FBXW8: variants seen among roughly 807,000 people sequenced by gnomAD.
FBXW8 encodes the protein F-box/WD repeat-containing protein 8.
Under a neutral mutation model 65.3 loss-of-function variants are expected in FBXW8, and 57 were observed. That is an observed-to-expected ratio of 0.87 (90% CI 0.71 to 1.09). FBXW8 has a LOEUF of 1.09. Among genes scored for constraint, FBXW8 ranks in the 50% least tolerant of loss-of-function variants. The pLI, the probability that FBXW8 is intolerant of heterozygous loss-of-function variation, is 0.00. For synonymous variants in FBXW8, 308 were observed against 330.2 expected, an observed-to-expected ratio of 0.93 and a Z score of 0.73; for missense variants, 777 against 814.8, an observed-to-expected ratio of 0.95 and a Z score of 0.57.
chr12:116,914,150 T>C (rs898643953), intron 1 of FBXW8, among the ~76,000 whole-genome samples: 1 of 152,018 alleles, frequency 6.6e-6, no homozygotes, highest in African/African-American at 2.4e-5. Context: ...GTGCACCCCT[T>C]TAGTTCTAGC....
At chr12:117,025,590 T>C (rs1328114801) in intron 9 of FBXW8, among the ~76,000 whole-genome samples, 1 of 152,170 alleles carries the variant, frequency 6.6e-6, no homozygotes, top group East Asian at 1.9e-4. Context: ...AGGGCAGTGT[T>C]GGCAAACACT....
At chr12:116,949,158 A>G (rs1256938104) in intron 3 of FBXW8, 2 of 161,922 alleles carry the variant, frequency 1.2e-5, no homozygotes, top group Admixed American at 5.9e-5. Flanking sequence ...ATCTATTTGT[A>G]TATAATTTTG....
chr12:116,975,754 A>G (rs191676369), intron 5 of FBXW8, among the ~76,000 whole-genome samples: 194 of 152,326 alleles, frequency 1.3e-3, no homozygotes, highest in Middle Eastern at 6.8e-3. Context: ...AGGAAACAGC[A>G]GACAATTGAG....
chr12:116,984,538 A>C (rs772329422), intron 5 of FBXW8, among the ~76,000 whole-genome samples: 1 of 152,194 alleles, frequency 6.6e-6, no homozygotes, highest in Non-Finnish European at 1.5e-5. Context: ...AAGGATGTGA[A>C]ATTCAGGCTG....
chr12:116,996,109 C>T (rs372743201), intron 7 of FBXW8, among the ~76,000 whole-genome samples: 1 of 152,080 alleles, frequency 6.6e-6, no homozygotes, highest in East Asian at 1.9e-4. Flanking sequence ...TAGCATCATT[C>T]TATGTATTTG....
intron 2 of FBXW8, 71 bp downstream of exon 2, chr12:116,928,198 A>G: frequency 6.4e-6 from 6 of 934,814 alleles, no homozygotes; most frequent in Non-Finnish European, 1.0e-5. Flanking sequence ...CTCCGGGGTA[A>G]TAGAAATTTA....
At chr12:116,996,398 GA>G (rs1209703989) in intron 7 of FBXW8, among the ~76,000 whole-genome samples, 2 of 152,142 alleles carry the variant, frequency 1.3e-5, no homozygotes, top group African/African-American at 4.8e-5. Flanking sequence ...ATCTGTCTGG[GA>G]GAGCCTTAGG....
At chr12:116,938,529 G>A (rs182802814) in intron 2 of FBXW8, among the ~76,000 whole-genome samples, 2 of 152,192 alleles carry the variant, frequency 1.3e-5, no homozygotes, top group African/African-American at 4.8e-5. Context: ...AAATGATTTG[G>A]CATTTTCCTT....
chr12:116,956,916 C>T (rs1439993679), intron 4 of FBXW8, among the ~76,000 whole-genome samples: 5 of 152,036 alleles, frequency 3.3e-5, no homozygotes, highest in Admixed American at 2.6e-4. Context: ...TGCAGTGAGC[C>T]GAGGTCATGC....
Position 116,910,984 on chromosome 12 carries a change from T to C in FBXW8, c.-54T>C. 2 of 1,338,558 alleles carry C rather than the reference T, an allele frequency of 1.5e-6. No individual in the cohort carries two copies. The highest frequency in any genetic ancestry group is 1.9e-6 in the Non-Finnish European group (2 of 1,048,850). The allele number at this position is 1,338,558 out of a possible 1,614,324, so 82.9% of individuals were successfully genotyped here. On this transcript the variant is annotated 5_prime_UTR_variant, in exon 1 of 11. Transcript: ENST00000652555. ...GCGGACACTTCCCTGGGCGGGACTGTCTCGTGGCACCCGGTGGAACCGAGG... is the reference window on the plus strand; with the variant it reads ...GCGGACACTTCCCTGGGCGGGACTGCCTCGTGGCACCCGGTGGAACCGAGG...
chr12:117,026,342 C>G (rs1954228081), intron 9 of FBXW8, among the ~76,000 whole-genome samples: 1 of 145,316 alleles, frequency 6.9e-6, no homozygotes, highest in African/African-American at 2.7e-5. Context: ...TTCTCATCCT[C>G]CAGGTCCCAT....
intron 4 of FBXW8, among the ~76,000 whole-genome samples, chr12:116,954,133 A>AT (rs1380508385): frequency 0.021 from 2,959 of 142,676 alleles, 172 homozygotes; most frequent in South Asian, 0.096. Flanking sequence ...AAAAAAAAAA[A>AT]AGAAAAAGCA....
Position 116,961,987 on chromosome 12 carries a change from G to C in FBXW8, c.678-2710G>C, listed in dbSNP as rs1884010554. Among the ~76,000 whole-genome samples, 1 of 152,166 alleles carries C rather than the reference G, an allele frequency of 6.6e-6. No individual in the cohort carries two copies. ...GGCTTCTCTGGGAATGAGCAGAACA[G>C]AACAAGCTTGGCACCTGAGCATCTA... On this transcript the variant is annotated intron_variant, in intron 4 of 10. Coordinates refer to ENST00000652555, the MANE Select transcript of FBXW8 (RefSeq NM_153348.3). This position sits in a 1 kb window ranked among gnomAD's most constrained non-coding sequence, Gnocchi z 4.4.
chr12:117,027,305 T>A, intron 9 of FBXW8, 89 bp from the exon 10 acceptor site: 2 of 944,570 alleles, frequency 2.1e-6, no homozygotes, highest in Non-Finnish European at 3.4e-6. Flanking sequence ...GGTTCTAGAA[T>A]CCCCTGCAGC....
At position 116,937,901 on chromosome 12, in the gene FBXW8, T is replaced by C. The variant is rs117622003; in HGVS notation, c.424-7463T>C. Among the ~76,000 whole-genome samples, 1,477 of 151,640 alleles carry C rather than the reference T, an allele frequency of 9.7e-3. 7 individuals are homozygous for C. Among genetic ancestry groups the C allele is most frequent in the Non-Finnish European group, 0.015 (1,035 of 67,956 alleles). On this transcript the variant is annotated intron_variant, in intron 2 of 10. Coordinates refer to ENST00000652555, the MANE Select transcript of FBXW8 (RefSeq NM_153348.3). ...TTCACAGTGGTGCTATAAAGCAAAATGCTGGAGACACTTTTATTAGCAAGT... is the reference window on the plus strand; with the variant it reads ...TTCACAGTGGTGCTATAAAGCAAAACGCTGGAGACACTTTTATTAGCAAGT...
At chr12:116,945,763 T>G (rs1882890333) in intron 3 of FBXW8, among the ~76,000 whole-genome samples, 1 of 152,042 alleles carries the variant, frequency 6.6e-6, no homozygotes, top group African/African-American at 2.4e-5. Flanking sequence ...AGAGGAAGGG[T>G]GAGATTGGGT....
intron 1 of FBXW8, among the ~76,000 whole-genome samples, chr12:116,913,242 G>A (rs1880139464): frequency 6.6e-6 from 1 of 152,178 alleles, no homozygotes; most frequent in South Asian, 2.1e-4. Context: ...GATTCTCAAG[G>A]CTTTCCATTT....
intron 8 of FBXW8, among the ~76,000 whole-genome samples, chr12:117,010,972 G>T (rs1317196986): frequency 1.3e-5 from 2 of 152,176 alleles, no homozygotes; most frequent in Admixed American, 1.3e-4. Flanking sequence ...TAATGCACTG[G>T]CTTAGGGAGT....
rs762581348 is a variant in FBXW8, at chr12:117,010,454, C to T, written c.1367+4C>T. On this transcript the variant is annotated splice_donor_region_variant and intron_variant, in intron 8 of 10. Coordinates refer to ENST00000652555, the MANE Select transcript of FBXW8 (RefSeq NM_153348.3). Reference sequence around the variant, plus strand: ...TCAGTGGCAACATGGACGGGAGGTACGTGAGTTGGAAGGGCATTGCCTTGC... The same window carrying T: ...TCAGTGGCAACATGGACGGGAGGTATGTGAGTTGGAAGGGCATTGCCTTGC... 32 of 1,614,082 alleles carry T rather than the reference C, an allele frequency of 2.0e-5. No homozygotes were observed. The highest frequency in any genetic ancestry group is 2.2e-5 in the East Asian group (1 of 44,898).
Sources: allele counts gnomAD v4.1 joint callset (sites outside exome capture counted in the v4.1 genomes callset), GRCh38; gene constraint gnomAD v4.1.1; non-coding constraint Gnocchi (gnomAD v3.1); transcripts MANE v1.5; gene names NCBI Gene and HGNC (gene_info 2026-07-23, HGNC 2026-07-21).